LRRK2: variants seen among roughly 807,000 people sequenced by gnomAD.
LRRK2 encodes leucine-rich repeat serine/threonine-protein kinase 2.
A neutral mutation model predicts 302.6 loss-of-function variants in LRRK2; 203 were observed. The observed-to-expected ratio is 0.67, with a 90% CI of 0.60 to 0.75. The LOEUF (loss-of-function observed/expected upper bound fraction) is 0.75. Ranked by LOEUF, LRRK2 falls within the 30% of genes least tolerant of loss-of-function variation. The probability of loss-of-function intolerance (pLI) is 0.00; values close to 1 mark genes in which losing one functional copy is unlikely to be tolerated. For synonymous variants in LRRK2, 1,066 were observed against 1,031.9 expected (o/e 1.03, Z -0.63); for missense variants, 2,830 against 2,951.0 (o/e 0.96, Z 0.95).
intron 50 of LRRK2, 48 bp from the exon 51 acceptor site, chr12:40,367,596 T>C: frequency 6.3e-7 from 1 of 1,577,496 alleles, no homozygotes. Context: ...AATAAGAATG[T>C]TTTATGATGG....
chr12:40,332,933 G>A (rs1292132644), intron 39 of LRRK2, among the ~76,000 whole-genome samples: 1 of 147,478 alleles, frequency 6.8e-6, no homozygotes. Flanking sequence ...TAAAAAAAAA[G>A]GGGTGTGCAT....
At position 40,299,008 on chromosome 12, in the gene LRRK2, C is replaced by G. The variant is rs1944518335; in HGVS notation, c.3348-101C>G. 7 of 1,142,278 alleles carry G rather than the reference C, an allele frequency of 6.1e-6. No homozygotes were observed. In the East Asian group the frequency reaches 1.3e-4, roughly 21 times the overall value. The allele number at this position is 1,142,278 out of a possible 1,614,324, so 70.8% of individuals were successfully genotyped here. ...CAACTAATTTTTAAATTAATGAGTC[C>G]TCTTTGATGCTGTTCTTTGAAAGCA... On this transcript the variant is annotated intron_variant, in intron 24 of 50. Transcript: ENST00000298910.
chr12:40,323,416 ATTTG>A, intron 38 of LRRK2, 110 bp downstream of exon 38: 1 of 922,588 alleles, frequency 1.1e-6, no homozygotes, highest in Non-Finnish European at 1.6e-6. Flanking sequence ...GTCTTCATAT[ATTTG>A]TTATAATTTT....
At chr12:40,334,725 T>C (rs1171156797) in intron 39 of LRRK2, among the ~76,000 whole-genome samples, 1 of 151,776 alleles carries the variant, frequency 6.6e-6, no homozygotes, top group Non-Finnish European at 1.5e-5. Flanking sequence ...TGGAAGAAAA[T>C]TTATGTATAT....
intron 14 of LRRK2, among the ~76,000 whole-genome samples, chr12:40,274,002 C>T (rs985179985): frequency 3.9e-5 from 6 of 152,058 alleles, no homozygotes; most frequent in African/African-American, 1.4e-4. Context: ...TATTCAAGTC[C>T]CAGGCCCAAT....
chr12:40,257,169 A>G, intron 11 of LRRK2, 79 bp from the exon 12 acceptor site: 3 of 1,037,028 alleles, frequency 2.9e-6, no homozygotes, highest in East Asian at 2.6e-5. Context: ...AATTTGGACT[A>G]TATTAATATT....
At chr12:40,296,106 T>C (rs142217837) in intron 23 of LRRK2, among the ~76,000 whole-genome samples, 46 of 152,290 alleles carry the variant, frequency 3.0e-4, no homozygotes, top group African/African-American at 1.1e-3. Context: ...AACTAAATGA[T>C]TACTGAAAGT....
intron 11 of LRRK2, among the ~76,000 whole-genome samples, chr12:40,256,263 A>G (rs1592170715): frequency 1.3e-5 from 2 of 152,168 alleles, no homozygotes; most frequent in Admixed American, 6.6e-5. Context: ...GCTGGGCAAC[A>G]TAGTGAGATC....
chr12:40,263,749 T>A, intron 13 of LRRK2, 40 bp from the exon 14 acceptor site: 1 of 1,414,696 alleles, frequency 7.1e-7, no homozygotes, highest in South Asian at 1.2e-5. Flanking sequence ...CAAATGTTTA[T>A]AAGAAAATTC....
At chr12:40,334,453 G>A (rs1945807521) in intron 39 of LRRK2, among the ~76,000 whole-genome samples, 1 of 152,148 alleles carries the variant, frequency 6.6e-6, no homozygotes, top group African/African-American at 2.4e-5. Context: ...CTGTTGACTG[G>A]AAGCTTTACT....
chr12:40,242,669 T>C (rs970829148), intron 6 of LRRK2, among the ~76,000 whole-genome samples: 7 of 151,356 alleles, frequency 4.6e-5, no homozygotes, highest in Non-Finnish European at 7.4e-5. Flanking sequence ...TTCTTTCTTT[T>C]GGTTGGGGAA....
rs748888575 is a variant in LRRK2, at chr12:40,274,651, T to A, written c.1725T>A (p.Asp575Glu). ...KVISSIVHFPDALEMLSLEGA... is the reference protein window; with the variant it reads ...KVISSIVHFPEALEMLSLEGA... ...TTTCTTCTATTGTACATTTTCCTGA[T>A]GCATTAGAGATGTTATCCCTGGAAG... Residue 575 changes from aspartate (D) to glutamate (E), a missense_variant, in exon 15 of 51, where the codon GAT becomes GAA. Physicochemically the swap from Asp to Glu is conservative, Grantham distance 45. Coordinates refer to ENST00000298910, the MANE Select transcript of LRRK2 (RefSeq NM_198578.4). The A allele has an allele frequency of 6.2e-7, 1 of 1,614,030 alleles. No homozygotes were observed. Among genetic ancestry groups the A allele is most frequent in the East Asian group, 2.2e-5 (1 of 44,846 alleles).
At position 40,236,634 on chromosome 12, in the gene LRRK2, G is replaced by A. The variant is rs984784742; in HGVS notation, c.436+920G>A. On this transcript the variant is annotated intron_variant, in intron 4 of 50. Coordinates refer to ENST00000298910, the MANE Select transcript of LRRK2 (RefSeq NM_198578.4). ...GAAGTATGGGTGCAGAGGCCTGGGA[G>A]GATAGCATGAGAGAGGCTGGACGTG... Among the ~76,000 whole-genome samples, 4 of 152,270 alleles carry A rather than the reference G, an allele frequency of 2.6e-5. No individual in the cohort carries two copies. In the East Asian group the frequency reaches 7.7e-4, roughly 29 times the overall value.
chr12:40,295,845 A>G (rs1944367543), intron 23 of LRRK2, among the ~76,000 whole-genome samples: 1 of 152,232 alleles, frequency 6.6e-6, no homozygotes, highest in Non-Finnish European at 1.5e-5. Flanking sequence ...CAATGGAAAC[A>G]GATCTGATTA....
intron 39 of LRRK2, 57 bp downstream of exon 39, chr12:40,328,517 T>C (rs1424872677): frequency 6.8e-6 from 9 of 1,322,090 alleles, no homozygotes; most frequent in Non-Finnish European, 9.6e-6. Context: ...CTACTGGAAC[T>C]CTTATTTTGC....
At chr12:40,247,161 A>C (rs905564444) in intron 7 of LRRK2, among the ~76,000 whole-genome samples, 25 of 152,004 alleles carry the variant, frequency 1.6e-4, no homozygotes, top group African/African-American at 5.8e-4. Context: ...TTGTATTTTC[A>C]CTTCTAGTAT....
chr12:40,363,377 A>ACTTTCTAT (rs750291152), intron 47 of LRRK2, 25 bp from the exon 48 acceptor site: 1 of 1,552,460 alleles, frequency 6.4e-7, no homozygotes, highest in South Asian at 1.1e-5. Context: ...AATAGTGATG[A>ACTTTCTAT]CTTTCTATTT....
intron 30 of LRRK2, 35 bp downstream of exon 30, chr12:40,309,268 A>G: frequency 6.3e-7 from 1 of 1,580,864 alleles, no homozygotes; most frequent in Non-Finnish European, 8.6e-7. Flanking sequence ...ATAGAAAATA[A>G]TTCATGTGTC....
At position 40,257,295 on chromosome 12, in the gene LRRK2, T is replaced by G; in HGVS notation, c.1336T>G (p.Leu446Val). The stretch of plus-strand genomic sequence containing the variant: ...ATCAAAAGGAATACACCTGAATGTT[T>G]TGGAGTTAATGCAGAAGCATATACA... ...LLSKGIHLNV[L>V]ELMQKHIHSP... is the part of the protein sequence containing the mutation. Residue 446 changes from leucine to valine, a missense_variant, in exon 12 of 51, where the codon TTG (leucine) becomes GTG (valine). This residue lies in a region of LRRK2 where 2,121 missense variants were observed against 2,148.0 expected (regional missense o/e 0.99). Transcript: ENST00000298910. 1 of 1,601,568 alleles carries G rather than the reference T, an allele frequency of 6.2e-7. No individual in the cohort carries two copies. Among genetic ancestry groups the G allele is most frequent in the Non-Finnish European group, 8.6e-7 (1 of 1,168,820 alleles).
Sources: gnomAD v4.1 joint callset for allele counts (sites outside exome capture counted in the v4.1 genomes callset) on GRCh38, gnomAD v4.1.1 for gene constraint, gnomAD v4.1.1 regional missense constraint, MANE v1.5 for transcripts, NCBI Gene and HGNC (gene_info 2026-07-23, HGNC 2026-07-21) for gene names.